The following DNAH8 variants were observed in gnomAD, a reference collection of about 807,000 sequenced individuals.
DNAH8 encodes dynein axonemal heavy chain 8, also known as axonemal beta dynein heavy chain 8.
A neutral mutation model predicts 562.1 loss-of-function variants in DNAH8; 382 were observed. The observed-to-expected ratio is 0.68, with a 90% CI of 0.63 to 0.74. The LOEUF is 0.74. Among genes scored for constraint, DNAH8 ranks in the 30% least tolerant of loss-of-function variants. DNAH8 has a pLI of 0.00. For synonymous variants in DNAH8, 1,881 were observed against 1,919.4 expected, an observed-to-expected ratio of 0.98 and a Z score of 0.52; for missense variants, 5,203 against 5,620.4, an observed-to-expected ratio of 0.93 and a Z score of 2.37.
intron 80 of DNAH8, among the ~76,000 whole-genome samples, chr6:38,949,046 G>C (rs903495046): frequency 3.3e-5 from 5 of 152,176 alleles, no homozygotes; most frequent in Middle Eastern, 3.4e-3. Context: ...TGATTGTTAG[G>C]ACCCGGGTGG....
chr6:39,006,232 T>C (rs1277920558), intron 88 of DNAH8, among the ~76,000 whole-genome samples: 1 of 152,276 alleles, frequency 6.6e-6, no homozygotes, highest in Non-Finnish European at 1.5e-5. Context: ...ATATGTCTTG[T>C]TTTAAGCTGC....
chr6:38,786,921 G>A lies in DNAH8; in HGVS notation c.2552G>A (p.Ser851Asn), dbSNP rs1271804469. 1.2e-6 allele frequency: 2 copies of A among 1,608,842 alleles called. No individual in the cohort carries two copies. The highest frequency in any genetic ancestry group is 2.2e-5 in the East Asian group (1 of 44,730). The change falls in exon 18 of 93, where the codon AGT becomes AAT. Residue 851 changes from serine (S) to asparagine (N), a missense_variant. Physicochemically the swap from Ser to Asn is conservative, Grantham distance 46 (BLOSUM62 1). Transcript: ENST00000327475. The stretch of plus-strand genomic sequence containing the variant: ...GCAAAGAGATTGCTAAAATTGGAAA[G>A]TAAATTGAAAGCAGACAAACTGTAT... The part of the protein sequence containing the change: ...EQAKRLLKLE[S>N]KLKADKLYLQ...
At chr6:38,848,937 G>GT (rs1397483721) in intron 37 of DNAH8, 136 bp downstream of exon 37, 4 of 744,658 alleles carry the variant, frequency 5.4e-6, no homozygotes, top group Non-Finnish European at 8.8e-6. Flanking sequence ...CCACTTGCCT[G>GT]TTTTTGTAAA....
chr6:38,780,829 C>T (rs1768511758), intron 15 of DNAH8, among the ~76,000 whole-genome samples: 1 of 151,998 alleles, frequency 6.6e-6, no homozygotes, highest in South Asian at 2.1e-4. Context: ...AACATGTAAC[C>T]CTGAACTTAA....
chr6:38,826,691 CT>C (rs755942245), intron 29 of DNAH8, among the ~76,000 whole-genome samples: 7 of 152,102 alleles, frequency 4.6e-5, no homozygotes, highest in Non-Finnish European at 1.0e-4. Flanking sequence ...ATAATTGTCC[CT>C]TGTCATGTCA....
Position 38,875,698 on chromosome 6 carries a change from A to G in DNAH8, c.7728A>G (p.Gly2576=), listed in dbSNP as rs140943630. The G allele has an allele frequency of 1.5e-4, 238 of 1,613,936 alleles. No individual in the cohort carries two copies. The highest frequency in any genetic ancestry group is 4.9e-4 in the Middle Eastern group (3 of 6,062). ...TGTTTGGCCTAATGTGGAGTTTAGGAGCCCTTCTGGAATTAGAAAGCAGAG... is the reference window on the plus strand; with the variant it reads ...TGTTTGGCCTAATGTGGAGTTTAGGGGCCCTTCTGGAATTAGAAAGCAGAG... ...LFVFGLMWSL[G]ALLELESREK... is the part of the protein sequence containing the mutation. The change falls in exon 53 of 93, where the codon GGA becomes GGG. Residue 2576 remains glycine, a synonymous_variant. Coordinates refer to ENST00000327475, the MANE Select transcript of DNAH8 (RefSeq NM_001206927.2).
rs1403815470 is a variant in DNAH8 at position 38,886,985 on chromosome 6, T to G, written c.8454T>G (p.Ala2818=). 1.9e-6 allele frequency: 3 copies of G among 1,610,898 alleles called. No individual in the cohort carries two copies. The highest frequency in any genetic ancestry group is 2.5e-6 in the Non-Finnish European group (3 of 1,177,160). ...TVFNCTLPSN[A]SIDKIFGIIG... is the part of the protein sequence containing the mutation. ...TTAATTGTACATTGCCTTCAAATGCTTCAATAGACAAAATTTTTGGTATGA... is the reference window on the plus strand; with the variant it reads ...TTAATTGTACATTGCCTTCAAATGCGTCAATAGACAAAATTTTTGGTATGA... The change falls in exon 57 of 93, where the codon GCT becomes GCG. Residue 2818 remains alanine (A), a synonymous_variant. Coordinates refer to ENST00000327475, the MANE Select transcript of DNAH8 (RefSeq NM_001206927.2).
chr6:38,978,107 T>A (rs1432254014), intron 85 of DNAH8, among the ~76,000 whole-genome samples: 1 of 151,128 alleles, frequency 6.6e-6, no homozygotes, highest in Admixed American at 6.6e-5. Flanking sequence ...TGCGTATTTC[T>A]TTATGACTTT....
chr6:38,997,761 G>A (rs1041618280), intron 88 of DNAH8, among the ~76,000 whole-genome samples: 1 of 151,944 alleles, frequency 6.6e-6, no homozygotes, highest in African/African-American at 2.4e-5. Context: ...TTTGTTTGTT[G>A]TTTTTTGTTT....
intron 91 of DNAH8, among the ~76,000 whole-genome samples, chr6:39,014,300 G>T (rs2150776796): frequency 6.6e-6 from 1 of 152,186 alleles, no homozygotes; most frequent in East Asian, 1.9e-4. Context: ...TTTATTATGG[G>T]TCTCAGATTT....
At chr6:38,730,828 C>T (rs1282322355) in intron 4 of DNAH8, among the ~76,000 whole-genome samples, 1 of 152,174 alleles carries the variant, frequency 6.6e-6, no homozygotes, top group Non-Finnish European at 1.5e-5. Flanking sequence ...TCATTGTTTT[C>T]TGCATACTAG....
chr6:38,981,785 C>A (rs1764055475), intron 85 of DNAH8, among the ~76,000 whole-genome samples: 1 of 152,140 alleles, frequency 6.6e-6, no homozygotes, highest in Non-Finnish European at 1.5e-5. Flanking sequence ...TTTTTTAAAA[C>A]CCAAGAACTC....
intron 75 of DNAH8, among the ~76,000 whole-genome samples, chr6:38,929,964 A>T (rs1019523446): frequency 2.6e-5 from 4 of 152,120 alleles, no homozygotes; most frequent in African/African-American, 9.7e-5. Context: ...ACATTAAGGA[A>T]ACACATTGTC....
intron 82 of DNAH8, among the ~76,000 whole-genome samples, chr6:38,970,568 C>T (rs1410041468): frequency 6.6e-6 from 1 of 152,194 alleles, no homozygotes; most frequent in Non-Finnish European, 1.5e-5. Flanking sequence ...TGCAGACCCT[C>T]TCAGAATATC....
chr6:38,898,072 A>C (rs376856719), intron 60 of DNAH8, among the ~76,000 whole-genome samples, 186 bp from the exon 61 acceptor site: 2 of 152,152 alleles, frequency 1.3e-5, no homozygotes, highest in African/African-American at 4.8e-5. Flanking sequence ...AATACAGTTA[A>C]GTTTCAGGCC....
intron 9 of DNAH8, among the ~76,000 whole-genome samples, chr6:38,755,383 T>G (rs1176220055): frequency 2.0e-5 from 3 of 150,458 alleles, no homozygotes; most frequent in Non-Finnish European, 4.5e-5. Flanking sequence ...TTGCTCTACC[T>G]TTTTCTACTT....
At chr6:39,028,775 A>T (rs1403903138) in intron 92 of DNAH8, among the ~76,000 whole-genome samples, 1 of 152,098 alleles carries the variant, frequency 6.6e-6, no homozygotes, top group Admixed American at 6.5e-5. Flanking sequence ...CATGTAGTTG[A>T]TTGTCACCCA....
At chr6:38,813,942 A>T (rs1772020776) in intron 24 of DNAH8, 112 bp from the exon 25 acceptor site, 1 of 776,848 alleles carries the variant, frequency 1.3e-6, no homozygotes, top group Admixed American at 2.3e-5. Flanking sequence ...TCTTTGTGTA[A>T]TTTGGCCTTT....
chr6:38,931,777 A>G (rs1782565709), intron 75 of DNAH8, 34 bp from the exon 76 acceptor site: 4 of 1,422,494 alleles, frequency 2.8e-6, no homozygotes, highest in Non-Finnish European at 3.8e-6. Flanking sequence ...CTGCCCTTTA[A>G]GCTGTTTTTA....
Sources: gnomAD v4.1 joint callset for allele counts (sites outside exome capture counted in the v4.1 genomes callset) on GRCh38, gnomAD v4.1.1 for gene constraint, MANE v1.5 for transcripts, NCBI Gene and HGNC (gene_info 2026-07-23, HGNC 2026-07-21) for gene names.